Variants in MYO5C observed in about 807,000 individuals in gnomAD.
MYO5C encodes the protein myosin VC.
MYO5C carries 194 observed loss-of-function variants against 235.7 expected under a neutral mutation model. The observed-to-expected ratio is 0.82, with a 90% CI of 0.73 to 0.93. MYO5C has a LOEUF of 0.93. MYO5C is among the 40% of genes least tolerant of loss of function. The pLI is 0.00. For synonymous variants in MYO5C, 707 were observed against 754.8 expected, an observed-to-expected ratio of 0.94 and a Z score of 1.04; for missense variants, 2,038 against 2,127.2, an observed-to-expected ratio of 0.96 and a Z score of 0.82.
intron 29 of MYO5C, among the ~76,000 whole-genome samples, chr15:52,222,457 T>C (rs950913824): frequency 4.6e-5 from 7 of 152,156 alleles, no homozygotes; most frequent in Admixed American, 3.9e-4. Context: ...GGGACAAGAA[T>C]GCTGGGAGAG....
chr15:52,293,700 G>A (rs1452277717), intron 1 of MYO5C, among the ~76,000 whole-genome samples: 1 of 151,872 alleles, frequency 6.6e-6, no homozygotes, highest in East Asian at 1.9e-4. Context: ...GGCCAACACT[G>A]CAGCTCTAAT....
intron 9 of MYO5C, among the ~76,000 whole-genome samples, chr15:52,261,579 C>T (rs1431893593): frequency 6.6e-6 from 1 of 152,182 alleles, no homozygotes; most frequent in Admixed American, 6.5e-5. Context: ...GATGGTTGGT[C>T]CAGGAGGTAC....
chr15:52,206,498 A>T (rs1366802163), intron 36 of MYO5C, among the ~76,000 whole-genome samples: 1 of 152,136 alleles, frequency 6.6e-6, no homozygotes, highest in East Asian at 1.9e-4. Context: ...GGTCATGAGG[A>T]TAGGGCCGTG....
At position 52,272,730 on chromosome 15, in the gene MYO5C, A is replaced by G; in HGVS notation, c.607-7T>C. 1 of 1,609,574 alleles carries G rather than the reference A, an allele frequency of 6.2e-7. No individual in the cohort carries two copies. Among genetic ancestry groups the G allele is most frequent in the Non-Finnish European group, 8.5e-7 (1 of 1,179,002 alleles). On this transcript the variant is annotated splice_region_variant and splice_polypyrimidine_tract_variant and intron_variant, in intron 5 of 40. Transcript: ENST00000261839. ...TCTTGGCATTTCCAACGGCCTAAAAAAAATAAGACTCTATTGAAATAACAA... is the reference window on the plus strand; with the variant it reads ...TCTTGGCATTTCCAACGGCCTAAAAGAAATAAGACTCTATTGAAATAACAA...
chr15:52,245,833 T>C lies in MYO5C; in HGVS notation c.2066+123A>G, dbSNP rs1490947704. ...GGACTTCCACAGGGCAGTGGGAAAA[T>C]CTTGGGGGCACTTTACAGAAGCCAA... On this transcript the variant is annotated intron_variant, in intron 17 of 40. Coordinates refer to ENST00000261839, the MANE Select transcript of MYO5C (RefSeq NM_018728.4). 29 of 848,406 alleles carry C rather than the reference T, an allele frequency of 3.4e-5. No homozygotes were observed. The East Asian group carries it at 6.8e-4, about 20-fold the overall frequency. The allele number at this position is 848,406 out of a possible 1,614,324, so 52.6% of individuals were successfully genotyped here. A position where few individuals can be genotyped will look rare whatever the true frequency, so the allele number is the denominator to read the frequency against.
In MYO5C at chr15:52,267,024, C is replaced by T. The variant is rs561174505; in HGVS notation, c.941-2728G>A. 6.6e-5 allele frequency among the ~76,000 whole-genome samples: 10 copies of T among 152,356 alleles called. No homozygotes were observed. In the South Asian group the frequency reaches 1.9e-3, roughly 28 times the overall value. On this transcript the variant is annotated intron_variant, in intron 8 of 40. Transcript: ENST00000261839. The stretch of plus-strand genomic sequence containing the variant: ...CTAAGTCTGTGCACAGGCTAAGTGT[C>T]CAGGGCCAACCCGGCACATGCAGGG...
chr15:52,273,659 T>C (rs1596220409), intron 5 of MYO5C, among the ~76,000 whole-genome samples: 1 of 152,168 alleles, frequency 6.6e-6, no homozygotes, highest in Non-Finnish European at 1.5e-5. Context: ...TGACCCCTGC[T>C]AGCCCCCTGA....
In MYO5C at chr15:52,219,535, A is replaced by C. The variant is rs183790371; in HGVS notation, c.3785+224T>G. Among the ~76,000 whole-genome samples, 26 of 152,324 alleles carry C rather than the reference A, an allele frequency of 1.7e-4. No individual in the cohort carries two copies. In the East Asian group the frequency reaches 5.0e-3, roughly 29 times the overall value. ...AGCCTGAAGGCAACCAACTGCCTGG[A>C]GGCAACCAATGTTTTGTTCCTTAAC... On this transcript the variant is annotated intron_variant, in intron 31 of 40. Coordinates refer to ENST00000261839, the MANE Select transcript of MYO5C (RefSeq NM_018728.4).
rs770467361 is a variant in MYO5C at position 52,278,954 on chromosome 15, T to C, written c.368A>G (p.His123Arg). 1.2e-6 allele frequency: 2 copies of C among 1,614,092 alleles called. No homozygotes were observed. The highest frequency in any genetic ancestry group is 4.5e-5 in the East Asian group (2 of 44,876). The change falls in exon 4 of 41, where the codon CAC (histidine) becomes CGC (arginine). Residue 123 changes from histidine (H) to arginine (R), a missense_variant. By Grantham distance (29) the His-to-Arg change is conservative (BLOSUM62 0). Coordinates refer to ENST00000261839, the MANE Select transcript of MYO5C (RefSeq NM_018728.4). ...QLPIYGDAII[H>R]AYSGQNMGDM... The stretch of plus-strand genomic sequence containing the variant: ...GCCCATGTTCTGCCCGCTGTAGGCG[T>C]GGATGATGGCATCTCCGTATATTGG...
At chr15:52,212,465 C>T (rs1490667242) in intron 34 of MYO5C, among the ~76,000 whole-genome samples, 1 of 152,104 alleles carries the variant, frequency 6.6e-6, no homozygotes, top group Non-Finnish European at 1.5e-5. Context: ...CTGCATGACA[C>T]CAGTGATGAG....
chr15:52,192,772 T>C lies in MYO5C; in HGVS notation c.*1130A>G, dbSNP rs1376471369. 3 of 152,134 alleles carry C rather than the reference T, an allele frequency of 2.0e-5. No individual in the cohort carries two copies. Among genetic ancestry groups the C allele is most frequent in the Non-Finnish European group, 4.4e-5 (3 of 68,030 alleles). The allele number at this position is 152,134 out of a possible 1,614,324, so 9.4% of individuals were successfully genotyped here. On this transcript the variant is annotated 3_prime_UTR_variant, in exon 41 of 41. Transcript: ENST00000261839. ...TGAGAAAATTTAAAAATAAATACAT[T>C]GAAATGCTGATTAGAGAGCGAAAGT... is the stretch of plus-strand genomic sequence containing the variant.
In MYO5C at chr15:52,242,218, G is replaced by C; in HGVS notation, c.2391-5C>G. ...GCCACTGCAGTAATAGCTTTCCTTGGTTAACAAGGATGAAGAGTGAGTCTG... is the reference window on the plus strand; with the variant it reads ...GCCACTGCAGTAATAGCTTTCCTTGCTTAACAAGGATGAAGAGTGAGTCTG... On this transcript the variant is annotated splice_polypyrimidine_tract_variant and splice_region_variant and intron_variant, in intron 19 of 40. Transcript: ENST00000261839. 6.2e-7 allele frequency: 1 copy of C among 1,607,992 alleles called. No homozygotes were observed. Among genetic ancestry groups the C allele is most frequent in the Non-Finnish European group, 8.5e-7 (1 of 1,176,712 alleles).
chr15:52,247,247 T>C (rs984780797), intron 15 of MYO5C, among the ~76,000 whole-genome samples: 7 of 152,210 alleles, frequency 4.6e-5, no homozygotes, highest in Admixed American at 3.3e-4. Flanking sequence ...AACCATGTTA[T>C]TGTGCAAGAG....
chr15:52,225,654 T>C, intron 25 of MYO5C, 122 bp from the exon 26 acceptor site: 2 of 705,362 alleles, frequency 2.8e-6, no homozygotes, highest in East Asian at 5.5e-5. Context: ...GCAGTTTCTT[T>C]CTTAGCTAAA....
intron 33 of MYO5C, 29 bp from the exon 34 acceptor site, chr15:52,213,315 A>C (rs763719727): frequency 1.3e-6 from 2 of 1,549,628 alleles, no homozygotes; most frequent in South Asian, 2.2e-5. Context: ...AATCAGCTAA[A>C]TACACAAAAG....
Position 52,204,955 on chromosome 15 carries a change from T to G in MYO5C, c.4730A>C (p.Lys1577Thr). Residue 1577 changes from lysine (K) to threonine (T), a missense_variant, in exon 38 of 41, where the codon AAG becomes ACG. By Grantham distance (78) the Lys-to-Thr change is moderately conservative. Transcript: ENST00000261839. ...CGCCCCGATCAAGAAGAAGAGCTGC[T>G]TCACCGCCTGCCTCACAAGCTCGGG... ...LDPELVRQAV[K>T]QLFFLIGAVT... The G allele has an allele frequency of 6.2e-7, 1 of 1,614,238 alleles. No individual in the cohort carries two copies. Among genetic ancestry groups the G allele is most frequent in the Non-Finnish European group, 8.5e-7 (1 of 1,180,034 alleles).
intron 22 of MYO5C, 27 bp from the exon 23 acceptor site, chr15:52,235,790 A>G (rs1222269503): frequency 1.1e-5 from 17 of 1,535,578 alleles, no homozygotes; most frequent in Non-Finnish European, 1.5e-5. Context: ...GGAAAAACAA[A>G]CTTTTTTGAA....
chr15:52,194,692 G>A (rs938167012), intron 40 of MYO5C, among the ~76,000 whole-genome samples: 1 of 151,424 alleles, frequency 6.6e-6, no homozygotes, highest in African/African-American at 2.4e-5. Context: ...TTTCATGTCT[G>A]ACTTAATATA....
At chr15:52,266,876 G>A (rs1004013277) in intron 8 of MYO5C, among the ~76,000 whole-genome samples, 2 of 152,188 alleles carry the variant, frequency 1.3e-5, no homozygotes, top group Non-Finnish European at 2.9e-5. Flanking sequence ...AGGTGCAGTG[G>A]CCCCAATCTC....
Sources: allele counts gnomAD v4.1 joint callset (sites outside exome capture counted in the v4.1 genomes callset), GRCh38; gene constraint gnomAD v4.1.1; transcripts MANE v1.5; gene names NCBI Gene and HGNC (gene_info 2026-07-23, HGNC 2026-07-21).